The following AVEN variants were observed in gnomAD, a reference collection of about 807,000 sequenced individuals.
The protein encoded by AVEN is apoptosis and caspase activation inhibitor.
A neutral mutation model predicts 38.1 loss-of-function variants in AVEN; 41 were observed. The observed-to-expected ratio is 1.08, with a 90% CI of 0.84 to 1.40. The LOEUF is 1.40. Among genes scored for constraint, AVEN ranks in the 40% most tolerant of loss-of-function variants. The pLI is 0.00. For missense variants in AVEN, 605 were observed against 438.8 expected (o/e 1.38, Z -3.38); for synonymous variants, 206 against 171.8 (o/e 1.20, Z -1.56).
chr15:33,859,769 A>T (rs2080131226), intron 11 of AVEN: 6 of 1,563,222 alleles, frequency 3.8e-6, no homozygotes, highest in Non-Finnish European at 5.2e-6. Context: ...AACAGGGTTT[A>T]ATCTAGTTCT....
chr15:33,861,990 C>T (rs763678471), downstream of AVEN, among the ~76,000 whole-genome samples: 7 of 152,058 alleles, frequency 4.6e-5, no homozygotes, highest in Non-Finnish European at 8.8e-5. Flanking sequence ...AAGTGTTTCA[C>T]TTATTCTACG....
chr15:34,004,457 A>G (rs1897255570), intron 1 of AVEN, among the ~76,000 whole-genome samples: 1 of 152,224 alleles, frequency 6.6e-6, no homozygotes, highest in African/African-American at 2.4e-5. Context: ...TAGGGAACTT[A>G]TTTGTACTGA....
intron 3 of AVEN, among the ~76,000 whole-genome samples, chr15:33,872,173 G>C (rs1445354138): frequency 2.0e-5 from 3 of 152,312 alleles, no homozygotes; most frequent in South Asian, 2.1e-4. Flanking sequence ...AGGGGAGCCA[G>C]TCCTGACTGT....
Position 34,003,069 on chromosome 15 carries a change from C to G in AVEN, c.408G>C (p.Gln136His). The change falls in exon 2 of 6, where the codon CAG becomes CAC. Residue 136 changes from glutamine to histidine, a missense_variant. Coordinates refer to ENST00000306730, the MANE Select transcript of AVEN (RefSeq NM_020371.3). ...GGAGGACACTGAAATCTGTTCCCCT[C>G]TGTGACTCTCCACTTTCATTATTGA... Reference protein sequence around the residue: ...KEVNNESGESQRGTDFSVLLS... With the variant: ...KEVNNESGESHRGTDFSVLLS... 5 of 1,614,024 alleles carry G rather than the reference C, an allele frequency of 3.1e-6. No homozygotes were observed. The highest frequency in any genetic ancestry group is 1.1e-5 in the South Asian group (1 of 91,072).
In AVEN at chr15:33,922,348, G is replaced by A. The variant is rs138823835; in HGVS notation, c.446-46353C>T. Among the ~76,000 whole-genome samples, 928 of 152,298 alleles carry A rather than the reference G, an allele frequency of 6.1e-3. 10 individuals are homozygous for A. Among genetic ancestry groups the A allele is most frequent in the African/African-American group, 0.021 (879 of 41,550 alleles). On this transcript the variant is annotated intron_variant, in intron 2 of 5. Transcript: ENST00000306730. ...GAGAGTAGGGATGGATGGCTATCCT[G>A]TACCTGAGGACTACTCGTATTCCTG... is the stretch of plus-strand genomic sequence containing the variant.
chr15:33,911,071 ACCCAT>A (rs1892898310), intron 2 of AVEN, among the ~76,000 whole-genome samples: 1 of 152,216 alleles, frequency 6.6e-6, no homozygotes, highest in Non-Finnish European at 1.5e-5. Flanking sequence ...ATAGAAGCCA[ACCCAT>A]TAAAATACCC....
intron 2 of AVEN, among the ~76,000 whole-genome samples, chr15:33,949,299 C>A (rs113195003): frequency 0.011 from 1,678 of 152,272 alleles, 19 homozygotes; most frequent in African/African-American, 0.031. Flanking sequence ...GGATTACAGG[C>A]GTGAGCCACC....
exon 1 of AVEN, among the ~76,000 whole-genome samples, chr15:34,074,861 T>C (rs1023939881): frequency 1.3e-5 from 2 of 152,108 alleles, no homozygotes; most frequent in Admixed American, 1.3e-4. Flanking sequence ...GAACGAACTG[T>C]AGACCAATGA....
Position 33,866,418 on chromosome 15 carries a change from A to G in AVEN, c.*195T>C. The G allele has an allele frequency of 1.7e-6, 1 of 585,230 alleles. No individual in the cohort carries two copies. The highest frequency in any genetic ancestry group is 3.0e-6 in the Non-Finnish European group (1 of 330,764). 36.3% of individuals were successfully genotyped at this position (585,230 alleles called of 1,614,324 possible). A position where few individuals can be genotyped will look rare whatever the true frequency, so the allele number is the denominator to read the frequency against. ...AATCTATTAGATTACTAAGCCAGAA[A>G]AACAAATGCAACAAGCTGCTTCAAT... On this transcript the variant is annotated 3_prime_UTR_variant, in exon 6 of 6. Coordinates refer to ENST00000306730, the MANE Select transcript of AVEN (RefSeq NM_020371.3).
At chr15:34,046,274 C>A (rs1242574109) in intron 5 of AVEN, among the ~76,000 whole-genome samples, 1 of 146,372 alleles carries the variant, frequency 6.8e-6, no homozygotes, top group Non-Finnish European at 1.5e-5. Context: ...TGTTCCAAAT[C>A]TTTTTGTGGA....
intron 2 of AVEN, chr15:34,067,560 T>C (rs902931591): frequency 1.3e-5 from 2 of 152,242 alleles, no homozygotes; most frequent in African/African-American, 4.8e-5. Context: ...TGGCCTGGCC[T>C]TTCAAGAAAG....
intron 2 of AVEN, among the ~76,000 whole-genome samples, chr15:33,899,681 T>C (rs1294043886): frequency 2.0e-5 from 3 of 151,966 alleles, no homozygotes; most frequent in Non-Finnish European, 4.4e-5. Flanking sequence ...TTGGCCAGGA[T>C]GGTCTCAGTC....
chr15:34,002,474 C>CT (rs1358057516), intron 2 of AVEN, among the ~76,000 whole-genome samples: 2 of 152,138 alleles, frequency 1.3e-5, no homozygotes, highest in Admixed American at 1.3e-4. Flanking sequence ...CATCACATCA[C>CT]TCAAGGTGCA....
chr15:33,922,802 G>T (rs1156751426), intron 2 of AVEN, among the ~76,000 whole-genome samples: 2 of 152,080 alleles, frequency 1.3e-5, no homozygotes, highest in African/African-American at 4.8e-5. Context: ...CTTATTTCAT[G>T]AAATATGCTT....
Position 33,938,888 on chromosome 15 carries a change from C to A in AVEN, c.446-62893G>T, listed in dbSNP as rs540575436. On this transcript the variant is annotated intron_variant, in intron 2 of 5. Transcript: ENST00000306730. Reference sequence around the variant, plus strand: ...CAGAGTTTCACTCTTGTTGCCGAGGCTGGAATGCAATGGCGCCATCTCGGC... The same window carrying A: ...CAGAGTTTCACTCTTGTTGCCGAGGATGGAATGCAATGGCGCCATCTCGGC... 5.3e-5 allele frequency among the ~76,000 whole-genome samples: 8 copies of A among 152,146 alleles called. No homozygotes were observed. In the South Asian group the frequency reaches 1.7e-3, roughly 32 times the overall value.
chr15:33,869,674 C>A (rs1294268234), intron 4 of AVEN, among the ~76,000 whole-genome samples: 1 of 152,126 alleles, frequency 6.6e-6, no homozygotes, highest in Non-Finnish European at 1.5e-5. Context: ...CCTGCTGTCC[C>A]AAATTTTAGA....
At chr15:33,961,662 A>T (rs1317814396) in intron 2 of AVEN, among the ~76,000 whole-genome samples, 2 of 151,370 alleles carry the variant, frequency 1.3e-5, no homozygotes, top group Non-Finnish European at 2.9e-5. Flanking sequence ...AAACACAAAA[A>T]ATTAGCCGGG....
chr15:33,853,020 C>T, the AVEN span: 11 of 1,594,500 alleles, frequency 6.9e-6, no homozygotes, highest in Non-Finnish European at 9.4e-6. Flanking sequence ...AATGAAGAAC[C>T]AACCTTTTTC....
At chr15:34,015,536 T>C (rs1897858750) in intron 1 of AVEN, among the ~76,000 whole-genome samples, 1 of 152,158 alleles carries the variant, frequency 6.6e-6, no homozygotes, top group Non-Finnish European at 1.5e-5. Context: ...TGTTTTATTA[T>C]AATACAATCT....
Sources: gnomAD v4.1 joint callset for allele counts (sites outside exome capture counted in the v4.1 genomes callset) on GRCh38, gnomAD v4.1.1 for gene constraint, MANE v1.5 for transcripts, NCBI Gene and HGNC (gene_info 2026-07-23, HGNC 2026-07-21) for gene names.